Variants in WDR70 observed in about 807,000 individuals in gnomAD.
The protein encoded by WDR70 is WD repeat-containing protein 70.
A neutral mutation model predicts 88.6 loss-of-function variants in WDR70; 53 were observed. That is an observed-to-expected ratio of 0.60 (90% CI 0.48 to 0.75). The LOEUF is 0.75. WDR70 is among the 30% of genes least tolerant of loss of function. The pLI is 0.00. For missense variants in WDR70, 610 were observed against 823.2 expected (o/e 0.74, Z 3.17); for synonymous variants, 280 against 270.0 (o/e 1.04, Z -0.36).
chr5:37,735,368 G>A (rs1411407740), intron 17 of WDR70, among the ~76,000 whole-genome samples: 1 of 152,114 alleles, frequency 6.6e-6, no homozygotes, highest in Non-Finnish European at 1.5e-5. Context: ...AGGTAGATCA[G>A]GCATTGTCAT....
chr5:37,548,993 C>T (rs959339761), intron 9 of WDR70, among the ~76,000 whole-genome samples: 3 of 152,006 alleles, frequency 2.0e-5, no homozygotes, highest in African/African-American at 7.2e-5. Context: ...TCTGTTTTAT[C>T]GGTCTGTGTA....
At chr5:37,461,285 A>G (rs1478240803) in intron 7 of WDR70, among the ~76,000 whole-genome samples, 2 of 151,856 alleles carry the variant, frequency 1.3e-5, no homozygotes, top group Admixed American at 1.3e-4. Flanking sequence ...TGCTCTTCTT[A>G]TTTACGCTCT....
At chr5:37,610,949 G>A (rs1439281305) in intron 10 of WDR70, among the ~76,000 whole-genome samples, 1 of 152,132 alleles carries the variant, frequency 6.6e-6, no homozygotes, top group African/African-American at 2.4e-5. Flanking sequence ...AAACAGTCTT[G>A]AATCTTCTCT....
rs533494936 is a variant in WDR70 at position 37,630,384 on chromosome 5, G to A, written c.1092+25146G>A. 3.3e-5 allele frequency among the ~76,000 whole-genome samples: 5 copies of A among 152,314 alleles called. 1 individual carries two copies. The East Asian group carries it at 9.7e-4, about 29-fold the overall frequency. On this transcript the variant is annotated intron_variant, in intron 10 of 17. Coordinates refer to ENST00000265107, the MANE Select transcript of WDR70 (RefSeq NM_018034.4). ...GGGTGGCCTACAGCATTGTTTCTCA[G>A]ACCCTTGTTGAGGATGTGAGGGGGT...
At chr5:37,393,329 C>T (rs1419647448) in intron 4 of WDR70, among the ~76,000 whole-genome samples, 4 of 152,164 alleles carry the variant, frequency 2.6e-5, no homozygotes, top group Non-Finnish European at 4.4e-5. Context: ...TGTGAGTCAC[C>T]GCGCCCAGCG....
chr5:37,700,175 A>C (rs1747113020), intron 11 of WDR70, among the ~76,000 whole-genome samples: 1 of 152,028 alleles, frequency 6.6e-6, no homozygotes, highest in African/African-American at 2.4e-5. Flanking sequence ...CCTGATTCTC[A>C]TTCCTTATTG....
At chr5:37,414,358 A>G (rs1380101097) in intron 5 of WDR70, among the ~76,000 whole-genome samples, 1 of 151,968 alleles carries the variant, frequency 6.6e-6, no homozygotes, top group Non-Finnish European at 1.5e-5. Context: ...TCCCGCATGG[A>G]AACTTTCTAT....
chr5:37,525,657 AC>A (rs1741243562), intron 9 of WDR70, among the ~76,000 whole-genome samples: 1 of 152,220 alleles, frequency 6.6e-6, no homozygotes, highest in Non-Finnish European at 1.5e-5. Context: ...AAATAGAGAC[AC>A]AAAAAACCCT....
At chr5:37,534,498 G>C (rs1741597010) in intron 9 of WDR70, among the ~76,000 whole-genome samples, 1 of 80,446 alleles carries the variant, frequency 1.2e-5, no homozygotes, top group Non-Finnish European at 2.3e-5. Context: ...TACAAATCAG[G>C]CTTTTTTTTT....
At chr5:37,743,984 T>C (rs1270124527) in intron 17 of WDR70, among the ~76,000 whole-genome samples, 7 of 152,194 alleles carry the variant, frequency 4.6e-5, no homozygotes, top group East Asian at 1.9e-4. Context: ...CCAACAGAGA[T>C]TGTCAGACGC....
chr5:37,405,679 A>G (rs1465219418), intron 5 of WDR70, among the ~76,000 whole-genome samples: 1 of 152,232 alleles, frequency 6.6e-6, no homozygotes, highest in African/African-American at 2.4e-5. Context: ...AAAGGAAACA[A>G]TATTGAACAT....
At chr5:37,482,353 A>C (rs1739699808) in intron 8 of WDR70, among the ~76,000 whole-genome samples, 2 of 152,188 alleles carry the variant, frequency 1.3e-5, no homozygotes, top group South Asian at 2.1e-4. Flanking sequence ...GAATTGACTC[A>C]CAGTTCTGCA....
chr5:37,417,101 G>A (rs940107648), intron 5 of WDR70, among the ~76,000 whole-genome samples: 1 of 152,154 alleles, frequency 6.6e-6, no homozygotes, highest in Non-Finnish European at 1.5e-5. Context: ...GGATCAAAAT[G>A]AGGATACTTT....
At chr5:37,692,564 C>G (rs142812469) in intron 10 of WDR70, among the ~76,000 whole-genome samples, 2 of 152,212 alleles carry the variant, frequency 1.3e-5, no homozygotes, top group South Asian at 4.2e-4. Context: ...GTTTAACATA[C>G]GTAAATCAAT....
At chr5:37,576,147 C>G (rs1743046095) in intron 9 of WDR70, among the ~76,000 whole-genome samples, 1 of 139,488 alleles carries the variant, frequency 7.2e-6, no homozygotes, top group African/African-American at 2.7e-5. Flanking sequence ...CCCCCTCCCT[C>G]CCTCCCTAAA....
At position 37,579,083 on chromosome 5, in the gene WDR70, A is replaced by AT. The variant is rs530794919; in HGVS notation, c.918-25980dup. 8.9e-4 allele frequency among the ~76,000 whole-genome samples: 136 copies of AT among 152,348 alleles called. 1 individual carries two copies. Among genetic ancestry groups the AT allele is most frequent in the Non-Finnish European group, 1.5e-3 (105 of 68,034 alleles). On this transcript the variant is annotated intron_variant, in intron 9 of 17. Coordinates refer to ENST00000265107, the MANE Select transcript of WDR70 (RefSeq NM_018034.4). Reference sequence around the variant, plus strand: ...AAGGAGCAAGCGAATGAATCAAGGCATGTAACCAGACTAATCGCTTCAGAA... The same window carrying AT: ...AAGGAGCAAGCGAATGAATCAAGGCATTGTAACCAGACTAATCGCTTCAGAA...
At chr5:37,574,911 C>T (rs1743011020) in intron 9 of WDR70, among the ~76,000 whole-genome samples, 1 of 152,152 alleles carries the variant, frequency 6.6e-6, no homozygotes, top group Admixed American at 6.5e-5. Context: ...CCATTTTTCT[C>T]CTTCTCCACA....
Position 37,751,036 on chromosome 5 carries a change from A to T in WDR70, c.1878-1450A>T, listed in dbSNP as rs538179605. 5.9e-5 allele frequency among the ~76,000 whole-genome samples: 9 copies of T among 152,338 alleles called. No individual in the cohort carries two copies. In the South Asian group the frequency reaches 1.0e-3, roughly 18 times the overall value. The stretch of plus-strand genomic sequence containing the variant: ...ACATTGATGAGCTGGTGTCCTACGA[A>T]GCATTTTCAGATATCCTTGGAAGAC... On this transcript the variant is annotated intron_variant, in intron 17 of 17. Transcript: ENST00000265107.
chr5:37,409,174 G>A (rs1292764644), intron 5 of WDR70, among the ~76,000 whole-genome samples: 1 of 151,974 alleles, frequency 6.6e-6, no homozygotes, highest in African/African-American at 2.4e-5. Flanking sequence ...CCTGACCTCA[G>A]GTGATCCACC....
Sources: gnomAD v4.1 joint callset for allele counts (sites outside exome capture counted in the v4.1 genomes callset) on GRCh38, gnomAD v4.1.1 for gene constraint, MANE v1.5 for transcripts, NCBI Gene and HGNC (gene_info 2026-07-23, HGNC 2026-07-21) for gene names.